Variants in TTC7B observed in about 807,000 individuals in gnomAD.
TTC7B encodes the protein tetratricopeptide repeat protein 7B.
TTC7B carries 28 observed loss-of-function variants against 106.8 expected under a neutral mutation model. That is an observed-to-expected ratio of 0.26 (90% confidence interval 0.19 to 0.36). The LOEUF (loss-of-function observed/expected upper bound fraction) is 0.36, where lower values mean the gene tolerates loss of function less well. TTC7B is among the 10% of genes least tolerant of loss of function. The pLI, the probability that TTC7B is intolerant of heterozygous loss-of-function variation, is 1.00. For missense variants in TTC7B, 862 were observed against 1,076.4 expected (o/e 0.80, Z 2.79); for synonymous variants, 405 against 430.6 (o/e 0.94, Z 0.74).
chr14:90,749,849 C>A (rs989613999), intron 3 of TTC7B, among the ~76,000 whole-genome samples: 2 of 152,190 alleles, frequency 1.3e-5, no homozygotes, highest in African/African-American at 2.4e-5. Context: ...GTTTTCATCT[C>A]TAGAAATTTG....
At chr14:90,631,099 G>T (rs1053673980) in intron 15 of TTC7B, among the ~76,000 whole-genome samples, 5 of 152,210 alleles carry the variant, frequency 3.3e-5, no homozygotes, top group Non-Finnish European at 7.3e-5. Flanking sequence ...CTCCCAAAGT[G>T]TTGGGATTAC....
At chr14:90,616,557 G>T (rs1312235930) in intron 16 of TTC7B, among the ~76,000 whole-genome samples, 2 of 152,030 alleles carry the variant, frequency 1.3e-5, no homozygotes, top group African/African-American at 4.8e-5. Flanking sequence ...CAGGGCAGGG[G>T]CTGGACAGCT....
intron 5 of TTC7B, among the ~76,000 whole-genome samples, chr14:90,719,521 G>A (rs184628474): frequency 0.029 from 4,376 of 152,268 alleles, 74 homozygotes; most frequent in Non-Finnish European, 0.044. Context: ...GGAAGACCCT[G>A]AAGACGTGGG....
chr14:90,749,422 T>G (rs113274001), intron 3 of TTC7B, among the ~76,000 whole-genome samples: 33,339 of 99,716 alleles, frequency 0.33, 4,527 homozygotes, highest in East Asian at 0.46. Context: ...TTTTTTTTTT[T>G]GAGACAGAGT....
intron 18 of TTC7B, among the ~76,000 whole-genome samples, chr14:90,581,017 T>C (rs909580983): frequency 1.3e-5 from 2 of 152,156 alleles, no homozygotes; most frequent in African/African-American, 4.8e-5. Context: ...GTGATATTTG[T>C]ACCAACGACT....
intron 15 of TTC7B, among the ~76,000 whole-genome samples, chr14:90,628,040 C>T (rs1320302352): frequency 3.9e-5 from 6 of 152,184 alleles, no homozygotes; most frequent in Non-Finnish European, 7.3e-5. Context: ...GTCTACACAG[C>T]CAGGGCTATT....
At chr14:90,678,197 C>T (rs760252904) in intron 8 of TTC7B, among the ~76,000 whole-genome samples, 4 of 152,172 alleles carry the variant, frequency 2.6e-5, no homozygotes, top group Admixed American at 1.3e-4. Flanking sequence ...AACAGACCCA[C>T]AAATAATAAA....
intron 2 of TTC7B, among the ~76,000 whole-genome samples, chr14:90,784,484 G>A (rs1891319660): frequency 6.6e-6 from 1 of 152,092 alleles, no homozygotes; most frequent in African/African-American, 2.4e-5. Context: ...ATGAGCGCGG[G>A]AGGCAGAGCT....
rs182900187 is a variant in TTC7B at position 90,608,388 on chromosome 14, G to A, written c.1966+2354C>T. Among the ~76,000 whole-genome samples the A allele has an allele frequency of 1.8e-4, 28 of 152,240 alleles. No homozygotes were observed. In the East Asian group the frequency reaches 4.4e-3, roughly 24 times the overall value. On this transcript the variant is annotated intron_variant, in intron 17 of 19. Transcript: ENST00000328459. The surrounding 1 kb of genome is among the most constrained non-coding windows in gnomAD (Gnocchi z 5.1). ...TATTTTGCAGCTGCCTGGTTGGGTC[G>A]GGGGTGGTGTAGGGCTGGTGGCAGG...
chr14:90,790,991 A>C (rs919227661), intron 1 of TTC7B, among the ~76,000 whole-genome samples: 3 of 152,052 alleles, frequency 2.0e-5, no homozygotes, highest in African/African-American at 7.2e-5. Context: ...AAAGCTGGAG[A>C]ATCAAGCTGG....
At chr14:90,714,735 G>C (rs1380809533) in intron 5 of TTC7B, among the ~76,000 whole-genome samples, 1 of 152,008 alleles carries the variant, frequency 6.6e-6, no homozygotes, top group East Asian at 1.9e-4. Context: ...GAGATTATAG[G>C]CGTGAGCCAC....
At position 90,529,531 on chromosome 14, in the gene TTC7B, C is replaced by A. The variant is rs971082793; in HGVS notation, c.*11837G>T. The stretch of plus-strand genomic sequence containing the variant: ...CAGAGATGCTAGGAGAAAACATGAG[C>A]ATGTGAGTGGCTAAGAGTATGGATT... On this transcript the variant is annotated 3_prime_UTR_variant, in exon 20 of 20. Coordinates refer to ENST00000328459, the MANE Select transcript of TTC7B (RefSeq NM_001010854.2). 6.6e-6 allele frequency: 1 copy of A among 152,184 alleles called. No individual in the cohort carries two copies. The highest frequency in any genetic ancestry group is 2.4e-5 in the African/African-American group (1 of 41,434). 9.4% of individuals were successfully genotyped at this position (152,184 alleles called of 1,614,324 possible).
chr14:90,624,559 C>T lies in TTC7B; in HGVS notation c.1752-6514G>A, dbSNP rs139505216. Among the ~76,000 whole-genome samples the T allele has an allele frequency of 5.3e-5, 8 of 152,334 alleles. No individual in the cohort carries two copies. Among genetic ancestry groups the T allele is most frequent in the Non-Finnish European group, 1.2e-4 (8 of 68,028 alleles). On this transcript the variant is annotated intron_variant, in intron 15 of 19. Coordinates refer to ENST00000328459, the MANE Select transcript of TTC7B (RefSeq NM_001010854.2). This position sits in a 1 kb window ranked among gnomAD's most constrained non-coding sequence, Gnocchi z 4.0. ...TGGCCCCACCCCAGTGAGTCCCAGA[C>T]TTGGGCAGGGGCCAAAGATAGAGTG...
intron 6 of TTC7B, among the ~76,000 whole-genome samples, chr14:90,692,704 C>G (rs1264524769): frequency 1.3e-5 from 2 of 152,076 alleles, no homozygotes; most frequent in Non-Finnish European, 2.9e-5. Flanking sequence ...TTCATATTGA[C>G]CAGTTGGGAA....
Position 90,780,851 on chromosome 14 carries a change from C to G in TTC7B, c.332G>C (p.Gly111Ala), listed in dbSNP as rs759508676. The G allele has an allele frequency of 6.8e-6, 11 of 1,614,116 alleles. No homozygotes were observed. The Admixed American group carries it at 1.7e-4, about 24-fold the overall frequency. Residue 111 changes from glycine to alanine, a missense_variant, in exon 3 of 20, where the codon GGT becomes GCT. Coordinates refer to ENST00000328459, the MANE Select transcript of TTC7B (RefSeq NM_001010854.2). ...AATGTTCAGAGCTTCTTTATAATCA[C>G]CTTCCACATAATTCAACTTGGCCAT... is the stretch of plus-strand genomic sequence containing the variant. ...LIMAKLNYVEGDYKEALNIYA... is the reference protein window; with the variant it reads ...LIMAKLNYVEADYKEALNIYA...
chr14:90,811,949 C>T (rs746574384), intron 1 of TTC7B, among the ~76,000 whole-genome samples: 2 of 152,304 alleles, frequency 1.3e-5, no homozygotes, highest in South Asian at 2.1e-4. Context: ...GAGTCTTGAC[C>T]GGGCACTAGC....
chr14:90,647,358 G>A (rs572026310), intron 13 of TTC7B: 22 of 225,934 alleles, frequency 9.7e-5, no homozygotes, highest in African/African-American at 4.2e-4. Flanking sequence ...TCTCTGTGTC[G>A]TGCTGGGACG....
rs1555372766 is a variant in TTC7B, at chr14:90,537,381, G to GC, written c.*3986_*3987insG. 2.7e-5 allele frequency: 4 copies of GC among 149,880 alleles called. No homozygotes were observed. Among genetic ancestry groups the GC allele is most frequent in the Non-Finnish European group, 5.9e-5 (4 of 67,768 alleles). The allele number at this position is 149,880 out of a possible 1,614,324, so 9.3% of individuals were successfully genotyped here. On this transcript the variant is annotated 3_prime_UTR_variant, in exon 20 of 20. Transcript: ENST00000328459. ...TTTTTTTTTTGTAGAGATGGGGGGG[G>GC]GGTCTCACCATGTTGCCCAGGCTGG...
At chr14:90,622,486 T>C (rs1295717133) in intron 15 of TTC7B, among the ~76,000 whole-genome samples, 1 of 151,736 alleles carries the variant, frequency 6.6e-6, no homozygotes. Context: ...TCCCAGCACT[T>C]TGGGAGCTGA....
Sources: gnomAD v4.1 joint callset for allele counts (sites outside exome capture counted in the v4.1 genomes callset) on GRCh38, gnomAD v4.1.1 for gene constraint, Gnocchi (gnomAD v3.1) non-coding constraint, MANE v1.5 for transcripts, NCBI Gene and HGNC (gene_info 2026-07-23, HGNC 2026-07-21) for gene names.